Variants in PIK3C2G observed in about 807,000 individuals in gnomAD.
The protein encoded by PIK3C2G is phosphatidylinositol-4-phosphate 3-kinase catalytic subunit type 2 gamma, also known as phosphatidylinositol 3-kinase C2 domain-containing subunit gamma.
Under a neutral mutation model 181.1 loss-of-function variants are expected in PIK3C2G, and 168 were observed. The observed-to-expected ratio is 0.93, with a 90% confidence interval of 0.82 to 1.05. PIK3C2G has a LOEUF of 1.05. PIK3C2G is among the 50% of genes least tolerant of loss of function. The pLI is 0.00. For synonymous variants in PIK3C2G, 573 were observed against 592.2 expected, an observed-to-expected ratio of 0.97 and a Z score of 0.47; for missense variants, 1,869 against 1,732.8, an observed-to-expected ratio of 1.08 and a Z score of -1.40.
chr12:18,655,655 G>A, the PIK3C2G span, among the ~76,000 whole-genome samples: 19,581 of 151,906 alleles, frequency 0.13, 1,361 homozygotes, highest in Middle Eastern at 0.19. Context: ...AGTGGAAGTC[G>A]TGTTGGCAGT....
At chr12:18,395,100 T>TTTCA (rs1325505415) in intron 15 of PIK3C2G, among the ~76,000 whole-genome samples, 1 of 150,848 alleles carries the variant, frequency 6.6e-6, no homozygotes, top group East Asian at 1.9e-4. Flanking sequence ...TCTTTCTTTC[T>TTTCA]TTCATTCTTT....
intron 26 of PIK3C2G, among the ~76,000 whole-genome samples, chr12:18,558,111 A>G (rs575615886): frequency 5.9e-5 from 9 of 152,188 alleles, no homozygotes; most frequent in Admixed American, 6.5e-5. Flanking sequence ...GATGTACTAT[A>G]AAGTTCCAGC....
intron 15 of PIK3C2G, among the ~76,000 whole-genome samples, chr12:18,397,299 T>C (rs1015705609): frequency 6.6e-6 from 1 of 152,032 alleles, no homozygotes; most frequent in Admixed American, 6.5e-5. Flanking sequence ...TAAAAGTTTC[T>C]GAATTGGACA....
intron 3 of PIK3C2G, among the ~76,000 whole-genome samples, chr12:18,289,268 C>A (rs895349107): frequency 2.6e-5 from 4 of 151,482 alleles, no homozygotes; most frequent in Non-Finnish European, 5.9e-5. Flanking sequence ...CCACATCTTT[C>A]AAAAAAAATG....
the PIK3C2G span, among the ~76,000 whole-genome samples, chr12:18,703,768 T>C: frequency 6.6e-6 from 1 of 152,218 alleles, no homozygotes; most frequent in Admixed American, 6.5e-5. Context: ...TACTATTCTT[T>C]GCTGTCTTGT....
At chr12:18,627,202 T>C (rs1949140287) in intron 31 of PIK3C2G, among the ~76,000 whole-genome samples, 1 of 152,064 alleles carries the variant, frequency 6.6e-6, no homozygotes, top group Non-Finnish European at 1.5e-5. Flanking sequence ...ATATTCTTCT[T>C]CTCTATGATT....
At chr12:18,318,134 T>A (rs1950948706) in intron 6 of PIK3C2G, among the ~76,000 whole-genome samples, 1 of 152,234 alleles carries the variant, frequency 6.6e-6, no homozygotes, top group Non-Finnish European at 1.5e-5. Context: ...GTATATACAC[T>A]GCAGTATCAT....
chr12:18,391,712 C>A (rs1214922586), intron 15 of PIK3C2G, among the ~76,000 whole-genome samples: 1 of 152,088 alleles, frequency 6.6e-6, no homozygotes, highest in African/African-American at 2.4e-5. Flanking sequence ...AATAATAATT[C>A]TTTGAATAGA....
At chr12:18,430,945 A>AT (rs879659152) in intron 18 of PIK3C2G, among the ~76,000 whole-genome samples, 94 of 150,594 alleles carry the variant, frequency 6.2e-4, no homozygotes, top group Admixed American at 4.0e-3. Context: ...AAATCTGTCC[A>AT]TTTTTTTTTT....
Position 18,491,440 on chromosome 12 carries a change from A to AT in PIK3C2G, c.2686-6dup, listed in dbSNP as rs374739942. The AT allele has an allele frequency of 4.2e-4, 578 of 1,375,104 alleles. No individual in the cohort carries two copies. The African/African-American group carries it at 4.5e-3, about 11-fold the overall frequency. The allele number at this position is 1,375,104 out of a possible 1,614,324, so 85.2% of individuals were successfully genotyped here. On this transcript the variant is annotated splice_polypyrimidine_tract_variant and intron_variant, in intron 19 of 32. Transcript: ENST00000538779. The stretch of plus-strand genomic sequence containing the variant: ...ATTTTCTTAAATCCTTTTTCTAATG[A>AT]TTTTTCACAGGAGGTACTGAAGAAA...
intron 15 of PIK3C2G, among the ~76,000 whole-genome samples, chr12:18,394,251 C>A (rs1405693885): frequency 6.6e-6 from 1 of 151,986 alleles, no homozygotes; most frequent in Non-Finnish European, 1.5e-5. Context: ...TCATAAAAAC[C>A]AGTCTCAAAA....
intron 14 of PIK3C2G, among the ~76,000 whole-genome samples, chr12:18,389,699 G>A (rs1943418146): frequency 6.6e-6 from 1 of 152,032 alleles, no homozygotes; most frequent in Non-Finnish European, 1.5e-5. Flanking sequence ...ATTTTCTATA[G>A]TAACTCAAGA....
At chr12:18,695,426 A>G in the PIK3C2G span, among the ~76,000 whole-genome samples, 2 of 152,326 alleles carry the variant, frequency 1.3e-5, no homozygotes, top group Admixed American at 6.5e-5. Context: ...GCAAGAGGTA[A>G]AGACATCAAC....
chr12:18,411,674 A>AAC (rs1431702929), intron 16 of PIK3C2G, among the ~76,000 whole-genome samples: 1 of 152,194 alleles, frequency 6.6e-6, no homozygotes, highest in Non-Finnish European at 1.5e-5. Context: ...TTCTAATTCT[A>AAC]ACCTGACATT....
At chr12:18,397,282 AAC>A (rs1943953725) in intron 15 of PIK3C2G, among the ~76,000 whole-genome samples, 1 of 152,022 alleles carries the variant, frequency 6.6e-6, no homozygotes, top group African/African-American at 2.4e-5. Flanking sequence ...AGAAAGTAAT[AAC>A]TATTTAAAAG....
At chr12:18,272,201 C>G (rs748669121) in intron 1 of PIK3C2G, among the ~76,000 whole-genome samples, 1 of 151,696 alleles carries the variant, frequency 6.6e-6, no homozygotes, top group Non-Finnish European at 1.5e-5. Context: ...TTATTTTTTT[C>G]TAGAAATTTA....
At chr12:18,369,022 T>C (rs1483364993) in intron 12 of PIK3C2G, among the ~76,000 whole-genome samples, 1 of 152,164 alleles carries the variant, frequency 6.6e-6, no homozygotes, top group East Asian at 1.9e-4. Flanking sequence ...CACCTTTCAG[T>C]TGGACAATAG....
At chr12:18,662,607 G>T in the PIK3C2G span, among the ~76,000 whole-genome samples, 1 of 152,022 alleles carries the variant, frequency 6.6e-6, no homozygotes, top group East Asian at 1.9e-4. Flanking sequence ...TATACATTTT[G>T]TTTTCTACAT....
chr12:18,627,636 C>T (rs1164770943), intron 31 of PIK3C2G, among the ~76,000 whole-genome samples: 3 of 152,164 alleles, frequency 2.0e-5, no homozygotes, highest in Non-Finnish European at 4.4e-5. Context: ...ATTCATTCTA[C>T]CATTTAACTG....
Sources: gnomAD v4.1 joint callset for allele counts (sites outside exome capture counted in the v4.1 genomes callset) on GRCh38, gnomAD v4.1.1 for gene constraint, MANE v1.5 for transcripts, NCBI Gene and HGNC (gene_info 2026-07-23, HGNC 2026-07-21) for gene names.